The following MGST1 variants were observed in gnomAD, a reference collection of about 807,000 sequenced individuals.
MGST1 encodes microsomal glutathione S-transferase 1.
A neutral mutation model predicts 8.9 loss-of-function variants in MGST1; 5 were observed. The observed-to-expected ratio is 0.56, with a 90% CI of 0.29 to 1.19. MGST1 has a LOEUF of 1.19. Ranked by LOEUF, MGST1 falls within the 50% of genes most tolerant of loss-of-function variation. The pLI is 0.08. For synonymous variants in MGST1, 54 were observed against 67.8 expected, an observed-to-expected ratio of 0.80 and a Z score of 1.00; for missense variants, 182 against 187.4, an observed-to-expected ratio of 0.97 and a Z score of 0.17.
intron 4 of MGST1, among the ~76,000 whole-genome samples, chr12:16,489,799 G>A (rs1332753088): frequency 6.6e-6 from 1 of 152,120 alleles, no homozygotes; most frequent in Non-Finnish European, 1.5e-5. Flanking sequence ...TGGTAGAATT[G>A]AATTGTTGTG....
At chr12:16,469,178 C>CTTTTTTTT (rs11292991) in intron 4 of MGST1, among the ~76,000 whole-genome samples, 7 of 77,520 alleles carry the variant, frequency 9.0e-5, no homozygotes, top group Non-Finnish European at 1.4e-4. Flanking sequence ...TGCTCTATTC[C>CTTTTTTTT]TTTTTTTTTT....
At chr12:16,493,008 C>T (rs1370872743) in intron 4 of MGST1, among the ~76,000 whole-genome samples, 1 of 152,156 alleles carries the variant, frequency 6.6e-6, no homozygotes, top group Non-Finnish European at 1.5e-5. Context: ...CAGTAATTTT[C>T]TCCCCCGAGG....
Position 16,410,633 on chromosome 12 carries a change from T to C in MGST1, n.779-26755T>C, listed in dbSNP as rs1029881573. Among the ~76,000 whole-genome samples, 3 of 148,192 alleles carry C rather than the reference T, an allele frequency of 2.0e-5. No homozygotes were observed. The highest frequency in any genetic ancestry group is 7.3e-5 in the African/African-American group (3 of 40,848). On this transcript the variant is annotated intron_variant and non_coding_transcript_variant, in intron 1 of 1. Transcript: ENST00000359720. The surrounding 1 kb of genome is among the most constrained non-coding windows in gnomAD (Gnocchi z 4.4). ...TTACATATAAATATTAATATATGTATATGTAATACATATATTATATATAAA... is the reference window on the plus strand; with the variant it reads ...TTACATATAAATATTAATATATGTACATGTAATACATATATTATATATAAA...
At chr12:16,495,963 TTA>T (rs1337707921) in intron 4 of MGST1, among the ~76,000 whole-genome samples, 1 of 152,106 alleles carries the variant, frequency 6.6e-6, no homozygotes, top group African/African-American at 2.4e-5. Context: ...GTTTATGTAT[TTA>T]TATGACAAAA....
In MGST1 at chr12:16,586,869, TG is replaced by T. The variant is rs1943339214; in HGVS notation, n.483-2657del. Among the ~76,000 whole-genome samples the T allele has an allele frequency of 1.3e-5, 2 of 152,194 alleles. No homozygotes were observed. The highest frequency in any genetic ancestry group is 2.4e-5 in the African/African-American group (1 of 41,458). ...CTGGATGACAGATTTGTTTTTAAAA[TG>T]GTAAAATTAGACAATACGTCTCATC... On this transcript the variant is annotated intron_variant and non_coding_transcript_variant, in intron 4 of 4. Transcript: ENST00000538857. The surrounding 1 kb of genome is among the most constrained non-coding windows in gnomAD (Gnocchi z 4.3).
chr12:16,537,688 T>C lies in MGST1; in HGVS notation n.483-51840T>C, dbSNP rs547173883. Among the ~76,000 whole-genome samples the C allele has an allele frequency of 6.6e-6, 1 of 152,332 alleles. No individual in the cohort carries two copies. Among genetic ancestry groups the C allele is most frequent in the South Asian group, 2.1e-4 (1 of 4,824 alleles). On this transcript the variant is annotated intron_variant and non_coding_transcript_variant, in intron 4 of 4. Transcript: ENST00000538857. The surrounding 1 kb of genome is among the most constrained non-coding windows in gnomAD (Gnocchi z 4.6). ...AACACCATGTGAAAGGTGCCAAGGT[T>C]TGGAGTTTGCACCCTCTCAAACCAT...
chr12:16,525,535 G>T (rs1941680484), intron 4 of MGST1, among the ~76,000 whole-genome samples: 1 of 145,948 alleles, frequency 6.9e-6, no homozygotes, highest in South Asian at 2.3e-4. Flanking sequence ...TCTTAATCCA[G>T]TCTATCATTG....
chr12:16,451,651 T>C (rs1447634809), intron 4 of MGST1, among the ~76,000 whole-genome samples: 2 of 151,868 alleles, frequency 1.3e-5, no homozygotes, highest in Non-Finnish European at 2.9e-5. Context: ...TACAGATCAC[T>C]ATCTATATTT....
chr12:16,542,764 T>C (rs1188467060), intron 4 of MGST1, among the ~76,000 whole-genome samples: 1 of 152,212 alleles, frequency 6.6e-6, no homozygotes, highest in Non-Finnish European at 1.5e-5. Flanking sequence ...TGTATTCCAG[T>C]TGGAGTAAAT....
At chr12:16,360,265 T>G in intron 3 of MGST1, 4 of 868,326 alleles carry the variant, frequency 4.6e-6, no homozygotes, top group Non-Finnish European at 5.5e-6. Context: ...ATTTTTAAGT[T>G]AGACTTTTTT....
intron 4 of MGST1, among the ~76,000 whole-genome samples, chr12:16,481,926 A>T (rs1236641103): frequency 1.3e-5 from 2 of 152,192 alleles, no homozygotes; most frequent in Non-Finnish European, 2.9e-5. Context: ...AAATTTTTAA[A>T]CTTAAAGTTA....
Position 16,546,374 on chromosome 12 carries a change from G to A in MGST1, n.483-43154G>A, listed in dbSNP as rs146471193. ...AGCCAAAATATTCTGTAATCACCCC[G>A]GTGATACCAATTTCGAGTATTCAGC... On this transcript the variant is annotated intron_variant and non_coding_transcript_variant, in intron 4 of 4. Coordinates refer to the MGST1 transcript ENST00000538857. The surrounding 1 kb of genome is among the most constrained non-coding windows in gnomAD (Gnocchi z 4.7). Among the ~76,000 whole-genome samples the A allele has an allele frequency of 3.4e-3, 514 of 152,100 alleles. 2 individuals carry two copies. Among genetic ancestry groups the A allele is most frequent in the African/African-American group, 0.012 (498 of 41,506 alleles).
intron 1 of MGST1, among the ~76,000 whole-genome samples, chr12:16,353,046 G>T (rs768497418): frequency 0.017 from 2,522 of 150,226 alleles, 27 homozygotes; most frequent in Middle Eastern, 0.037. Context: ...TTTTTTTTTG[G>T]AGGGGGAGAC....
At position 16,546,181 on chromosome 12, in the gene MGST1, T is replaced by TA. The variant is rs1412022521; in HGVS notation, n.483-43346dup. Among the ~76,000 whole-genome samples, 4 of 152,150 alleles carry TA rather than the reference T, an allele frequency of 2.6e-5. No homozygotes were observed. Among genetic ancestry groups the TA allele is most frequent in the African/African-American group, 9.7e-5 (4 of 41,438 alleles). ...TTGAAGATGGGTCATATGAAAATGT[T>TA]ACCTGTTTCAAATGAACTGTTTTGC... On this transcript the variant is annotated intron_variant and non_coding_transcript_variant, in intron 4 of 4. Transcript: ENST00000538857. The surrounding 1 kb of genome is among the most constrained non-coding windows in gnomAD (Gnocchi z 4.7).
Position 16,364,307 on chromosome 12 carries a change from T to G in MGST1, c.*266T>G, listed in dbSNP as rs9332946. The G allele has an allele frequency of 1.3e-4, 142 of 1,112,980 alleles. 1 individual carries two copies. In the African/African-American group the frequency reaches 1.9e-3, roughly 15 times the overall value. The allele number at this position is 1,112,980 out of a possible 1,614,324, so 68.9% of individuals were successfully genotyped here. ...TGGATCATGTTATGATTTGTAACAT[T>G]CACACAACACCTCACTTTTGAATCT... is the stretch of plus-strand genomic sequence containing the variant. On this transcript the variant is annotated 3_prime_UTR_variant, in exon 4 of 4. Coordinates refer to ENST00000396210, the MANE Select transcript of MGST1 (RefSeq NM_020300.5). The surrounding 1 kb of genome is among the most constrained non-coding windows in gnomAD (Gnocchi z 5.7).
chr12:16,558,211 A>G (rs1030973822), intron 4 of MGST1, among the ~76,000 whole-genome samples: 2 of 152,102 alleles, frequency 1.3e-5, no homozygotes, highest in African/African-American at 4.8e-5. Flanking sequence ...TTTGTCCTAT[A>G]GACATAGGAA....
At chr12:16,424,635 G>A (rs1267181814) in intron 1 of MGST1, among the ~76,000 whole-genome samples, 3 of 152,060 alleles carry the variant, frequency 2.0e-5, no homozygotes, top group Non-Finnish European at 2.9e-5. Flanking sequence ...TTATTCCAAA[G>A]CCTAATTTCT....
Position 16,401,714 on chromosome 12 carries a change from A to T in MGST1, n.778+18110A>T. ...GAGGGTAACACATTTCCACAGTAGA[A>T]GGGTCTGCCCCAGCAAGGTATTTTT... On this transcript the variant is annotated intron_variant and non_coding_transcript_variant, in intron 1 of 1. Transcript: ENST00000359720. This position sits in a 1 kb window ranked among gnomAD's most constrained non-coding sequence, Gnocchi z 4.3. 6.2e-7 allele frequency: 1 copy of T among 1,602,032 alleles called. No homozygotes were observed.
At chr12:16,570,458 AAAAGAAAAAT>A (rs1465107946) in intron 4 of MGST1, among the ~76,000 whole-genome samples, 7 of 152,166 alleles carry the variant, frequency 4.6e-5, no homozygotes, top group Non-Finnish European at 1.0e-4. Context: ...TTTTCAACAG[AAAAGAAAAAT>A]AAAGAAAATG....
Sources: allele counts gnomAD v4.1 joint callset (sites outside exome capture counted in the v4.1 genomes callset), GRCh38; gene constraint gnomAD v4.1.1; non-coding constraint Gnocchi (gnomAD v3.1); transcripts MANE v1.5; gene names NCBI Gene and HGNC (gene_info 2026-07-23, HGNC 2026-07-21).